Variants in DNAJB6 observed in about 807,000 individuals in gnomAD.
The protein encoded by DNAJB6 is DnaJ heat shock protein family (Hsp40) member B6, also known as dnaJ homolog subfamily B member 6.
A neutral mutation model predicts 42.7 loss-of-function variants in DNAJB6; 16 were observed. The ratio of observed to expected loss-of-function variants is 0.37; its 90% CI spans 0.25 to 0.57. The LOEUF is 0.57. Among genes scored for constraint, DNAJB6 ranks in the 20% least tolerant of loss-of-function variants. The pLI is 0.74. For missense variants in DNAJB6, 347 were observed against 416.8 expected, an observed-to-expected ratio of 0.83 and a Z score of 1.46; for synonymous variants, 170 against 163.5, an observed-to-expected ratio of 1.04 and a Z score of -0.30.
At chr7:157,380,427 G>T (rs1434357717) in intron 5 of DNAJB6, 1 of 152,204 alleles carries the variant, frequency 6.6e-6, no homozygotes, top group Admixed American at 6.5e-5. Flanking sequence ...TCTTTGAATA[G>T]AACAGTGGGG....
intron 1 of DNAJB6, among the ~76,000 whole-genome samples, chr7:157,355,926 C>T (rs1799251052): frequency 6.6e-6 from 1 of 152,212 alleles, no homozygotes; most frequent in Non-Finnish European, 1.5e-5. Context: ...CGGCCCTCAC[C>T]CACACCCACG....
intron 5 of DNAJB6, among the ~76,000 whole-genome samples, chr7:157,370,327 C>A (rs542432304): frequency 7.2e-5 from 11 of 151,966 alleles, no homozygotes; most frequent in Non-Finnish European, 1.3e-4. Flanking sequence ...TAAACGGGCC[C>A]CTTCTTAACA....
Position 157,416,196 on chromosome 7 carries a change from A to ACTGT in DNAJB6, c.*101_*104dup. On this transcript the variant is annotated 3_prime_UTR_variant, in exon 10 of 10. Coordinates refer to ENST00000262177, the MANE Select transcript of DNAJB6 (RefSeq NM_058246.4). The stretch of plus-strand genomic sequence containing the variant: ...GCGCTAGGTAGCAGCGTCGGTCAGG[A>ACTGT]CTGTCTCGAGGCCACACTCGCTCGG... The ACTGT allele has an allele frequency of 1.3e-6, 2 of 1,533,788 alleles. No individual in the cohort carries two copies. The highest frequency in any genetic ancestry group is 2.0e-5 in the Admixed American group (1 of 50,774).
At chr7:157,366,705 C>A in intron 4 of DNAJB6, 144 bp downstream of exon 4, 1 of 702,872 alleles carries the variant, frequency 1.4e-6, no homozygotes, top group Non-Finnish European at 2.4e-6. Context: ...GGGGAGAGGA[C>A]AGAGAAATTG....
chr7:157,349,849 G>T (rs1798878227), intron 1 of DNAJB6, among the ~76,000 whole-genome samples: 1 of 152,076 alleles, frequency 6.6e-6, no homozygotes, highest in South Asian at 2.1e-4. Flanking sequence ...CGTCATGTCA[G>T]CCAGGCTGGT....
chr7:157,344,576 C>G (rs1011424156), intron 1 of DNAJB6, among the ~76,000 whole-genome samples: 3 of 151,610 alleles, frequency 2.0e-5, no homozygotes, highest in African/African-American at 7.3e-5. Flanking sequence ...AAATTCCCTT[C>G]CAGCCTGAAA....
At chr7:157,356,797 T>G (rs1023809774) in intron 1 of DNAJB6, among the ~76,000 whole-genome samples, 1 of 152,236 alleles carries the variant, frequency 6.6e-6, no homozygotes, top group African/African-American at 2.4e-5. Context: ...AAAGAACATT[T>G]TGATACTCTA....
intron 8 of DNAJB6, among the ~76,000 whole-genome samples, chr7:157,409,344 AT>A (rs1215842854): frequency 6.6e-6 from 1 of 151,894 alleles, no homozygotes; most frequent in Non-Finnish European, 1.5e-5. Context: ...GCTGCCACAG[AT>A]TTATTCCAGC....
chr7:157,362,720 G>C (rs956560743), intron 2 of DNAJB6, among the ~76,000 whole-genome samples: 8 of 152,188 alleles, frequency 5.3e-5, no homozygotes, highest in African/African-American at 1.9e-4. Context: ...AGTCCACGTT[G>C]TGGACACTGT....
chr7:157,346,554 G>GT (rs1230270461), intron 1 of DNAJB6, among the ~76,000 whole-genome samples: 1 of 151,918 alleles, frequency 6.6e-6, no homozygotes, highest in Non-Finnish European at 1.5e-5. Context: ...TTTAAACACT[G>GT]TTTTTGAGAG....
chr7:157,387,915 G>T (rs904570968), intron 8 of DNAJB6, among the ~76,000 whole-genome samples: 5 of 152,038 alleles, frequency 3.3e-5, no homozygotes, highest in African/African-American at 1.2e-4. Context: ...GTGTGATCTT[G>T]GCTCATTGTA....
intron 8 of DNAJB6, among the ~76,000 whole-genome samples, chr7:157,386,625 G>C (rs919110325): frequency 6.6e-6 from 1 of 152,130 alleles, no homozygotes; most frequent in Non-Finnish European, 1.5e-5. Flanking sequence ...CTCAACGCCT[G>C]TAATCCCAGC....
At chr7:157,346,997 A>G (rs1798723424) in intron 1 of DNAJB6, among the ~76,000 whole-genome samples, 1 of 152,166 alleles carries the variant, frequency 6.6e-6, no homozygotes, top group South Asian at 2.1e-4. Flanking sequence ...CTGAGACTAC[A>G]GGCGCCCGCC....
At chr7:157,365,195 C>T (rs376236537) in intron 3 of DNAJB6, among the ~76,000 whole-genome samples, 172 of 152,360 alleles carry the variant, frequency 1.1e-3, no homozygotes, top group East Asian at 6.6e-3. Context: ...CTTAAGTGAT[C>T]CACCTTCCTT....
chr7:157,340,369 G>A (rs1798297726), intron 1 of DNAJB6, among the ~76,000 whole-genome samples: 1 of 152,144 alleles, frequency 6.6e-6, no homozygotes, highest in Non-Finnish European at 1.5e-5. Context: ...TTAGCAAATG[G>A]TGTAGTTCAA....
At chr7:157,354,018 C>T (rs78789431) in intron 1 of DNAJB6, among the ~76,000 whole-genome samples, 302 of 152,200 alleles carry the variant, frequency 2.0e-3, no homozygotes, top group African/African-American at 7.0e-3. Context: ...CTAGCATTAG[C>T]CAGTATAGTA....
intron 1 of DNAJB6, among the ~76,000 whole-genome samples, chr7:157,354,906 A>AGG (rs942608368): frequency 6.6e-6 from 1 of 152,070 alleles, no homozygotes; most frequent in African/African-American, 2.4e-5. Context: ...GGTATGTAGG[A>AGG]GGTGGGGAGG....
At chr7:157,392,360 T>A (rs1108022) in intron 8 of DNAJB6, among the ~76,000 whole-genome samples, 2 of 134,084 alleles carry the variant, frequency 1.5e-5, no homozygotes, top group African/African-American at 5.2e-5. Context: ...TGAAAGTGGG[T>A]TTTTTTTTTT....
Position 157,386,070 on chromosome 7 carries a change from C to A in DNAJB6, c.691+459C>A, listed in dbSNP as rs900604506. 21 of 986,160 alleles carry A rather than the reference C, an allele frequency of 2.1e-5. No homozygotes were observed. The African/African-American group carries it at 3.3e-4, about 16-fold the overall frequency. 61.1% of individuals were successfully genotyped at this position (986,160 alleles called of 1,614,324 possible). A position where few individuals can be genotyped will look rare whatever the true frequency, so the allele number is the denominator to read the frequency against. On this transcript the variant is annotated intron_variant, in intron 8 of 9. Coordinates refer to ENST00000262177, the MANE Select transcript of DNAJB6 (RefSeq NM_058246.4). ...CTACAGAAATAATTTCAATTTTTTTCAGTATTTAGTAGTGAAAGATATTAA... is the reference window on the plus strand; with the variant it reads ...CTACAGAAATAATTTCAATTTTTTTAAGTATTTAGTAGTGAAAGATATTAA...
Sources: allele counts gnomAD v4.1 joint callset (sites outside exome capture counted in the v4.1 genomes callset), GRCh38; gene constraint gnomAD v4.1.1; transcripts MANE v1.5; gene names NCBI Gene and HGNC (gene_info 2026-07-23, HGNC 2026-07-21).